KIF1A: variants seen among roughly 807,000 people sequenced by gnomAD.
KIF1A encodes kinesin-like protein KIF1A.
Under a neutral mutation model 227.3 loss-of-function variants are expected in KIF1A, and 46 were observed. The ratio of observed to expected loss-of-function variants is 0.20; its 90% CI spans 0.16 to 0.26. The LOEUF (loss-of-function observed/expected upper bound fraction) is 0.26, where lower values mean the gene tolerates loss of function less well. KIF1A is among the 10% of genes least tolerant of loss of function. The pLI is 1.00. For synonymous variants in KIF1A, 1,022 were observed against 1,012.8 expected (o/e 1.01, Z -0.17); for missense variants, 1,683 against 2,485.9 (o/e 0.68, Z 6.87).
At position 240,745,833 on chromosome 2, in the gene KIF1A, G is replaced by T. The variant is rs779387346; in HGVS notation, c.3279C>A (p.Asp1093Glu). The change falls in exon 31 of 49, where the codon GAC (aspartate) becomes GAA (glutamate). Residue 1093 changes from aspartate (D) to glutamate (E), a missense_variant. This residue lies in a region of KIF1A where 759 missense variants were observed against 1,020.2 expected (regional missense o/e 0.74). Coordinates refer to ENST00000498729, the MANE Select transcript of KIF1A (RefSeq NM_001244008.2). ...ALDGPLDAALDHLRLGNTFTF... is the reference protein window; with the variant it reads ...ALDGPLDAALEHLRLGNTFTF... The stretch of plus-strand genomic sequence containing the variant: ...TGAAGGTGTTGCCCAGGCGGAGGTG[G>T]TCCAGGGCAGCATCCAGGGGCCCAT... 2.5e-6 allele frequency: 4 copies of T among 1,612,730 alleles called. No individual in the cohort carries two copies. The South Asian group carries it at 4.4e-5, about 18-fold the overall frequency.
chr2:240,730,247 C>G (rs2046450685), intron 38 of KIF1A, among the ~76,000 whole-genome samples: 2 of 152,230 alleles, frequency 1.3e-5, no homozygotes, highest in South Asian at 4.1e-4. Context: ...ATGGGACCCA[C>G]ATTGCCAGTT....
intron 1 of KIF1A, among the ~76,000 whole-genome samples, chr2:240,816,949 C>A (rs981295445): frequency 5.6e-4 from 85 of 152,214 alleles, no homozygotes; most frequent in African/African-American, 2.0e-3. Context: ...TCTTGAGGCC[C>A]TGGGGGTGGG....
rs1392051574 is a variant in KIF1A at position 240,761,704 on chromosome 2, G to T, written c.2117-327C>A. On this transcript the variant is annotated intron_variant, in intron 23 of 48. Transcript: ENST00000498729. ...TTGGGTACACAGAAAGAAGAAACCG[G>T]CAGAGAGCTCTGTCACAGTGAGCAA... is the stretch of plus-strand genomic sequence containing the variant. 5.9e-5 allele frequency among the ~76,000 whole-genome samples: 9 copies of T among 152,302 alleles called. No individual in the cohort carries two copies. The South Asian group carries it at 1.2e-3, about 21-fold the overall frequency.
rs543183753 is a variant in KIF1A at position 240,769,549 on chromosome 2, C to T, written c.1421+78G>A. 45 of 1,216,746 alleles carry T rather than the reference C, an allele frequency of 3.7e-5. 1 individual carries two copies. The South Asian group carries it at 5.9e-4, about 16-fold the overall frequency. 75.4% of individuals were successfully genotyped at this position (1,216,746 alleles called of 1,614,324 possible). A position where few individuals can be genotyped will look rare whatever the true frequency, so the allele number is the denominator to read the frequency against. ...AGGTGCCCAGCACTGGAGGGCAGGGCTCAGTGCTCATCCTGCCCAGGCTCC... is the reference window on the plus strand; with the variant it reads ...AGGTGCCCAGCACTGGAGGGCAGGGTTCAGTGCTCATCCTGCCCAGGCTCC... On this transcript the variant is annotated intron_variant, in intron 16 of 48. Transcript: ENST00000498729.
At chr2:240,720,648 G>A (rs1575516326) in intron 45 of KIF1A, 2 of 323,976 alleles carry the variant, frequency 6.2e-6, no homozygotes, top group East Asian at 1.0e-4. Flanking sequence ...CTCAGGAAAG[G>A]GGAGCTTTAG....
rs1314493193 is a variant in KIF1A at position 240,714,967 on chromosome 2, G to A, written c.*2397C>T. On this transcript the variant is annotated 3_prime_UTR_variant, in exon 49 of 49. Transcript: ENST00000498729. ...CCTCCACTCAGCCCACCCACGCCGC[G>A]AGTGCTCTGCAGGTTGGCTGGCCTC... is the stretch of plus-strand genomic sequence containing the variant. 3 of 152,280 alleles carry A rather than the reference G, an allele frequency of 2.0e-5. No individual in the cohort carries two copies. Among genetic ancestry groups the A allele is most frequent in the Admixed American group, 6.5e-5 (1 of 15,290 alleles). The allele number at this position is 152,280 out of a possible 1,614,324, so 9.4% of individuals were successfully genotyped here.
At chr2:240,734,890 C>T in intron 38 of KIF1A, 1 of 560,978 alleles carries the variant, frequency 1.8e-6, no homozygotes, top group Non-Finnish European at 3.1e-6. Flanking sequence ...TGGGAGCGGG[C>T]AGGAGGCAAG....
intron 20 of KIF1A, among the ~76,000 whole-genome samples, chr2:240,764,472 G>T (rs967485106): frequency 3.3e-5 from 5 of 152,064 alleles, no homozygotes; most frequent in African/African-American, 1.2e-4. Flanking sequence ...AGTGTGTCCT[G>T]CCCTCCTGCC....
At chr2:240,782,029 T>C (rs1248466145) in intron 10 of KIF1A, 1 of 985,332 alleles carries the variant, frequency 1.0e-6, no homozygotes. Context: ...GTCTCACGCA[T>C]TCCCACGCTG....
At chr2:240,724,569 G>C (rs1245433362) in intron 40 of KIF1A, 15 of 174,776 alleles carry the variant, frequency 8.6e-5, no homozygotes. Context: ...GCTGTGCCCA[G>C]TGTGAACCTG....
rs911647181 is a variant in KIF1A at position 240,760,940 on chromosome 2, G to C, written c.2266-97C>G. 3 of 1,223,790 alleles carry C rather than the reference G, an allele frequency of 2.5e-6. No individual in the cohort carries two copies. The African/African-American group carries it at 4.6e-5, about 19-fold the overall frequency. 75.8% of individuals were successfully genotyped at this position (1,223,790 alleles called of 1,614,324 possible). A position where few individuals can be genotyped will look rare whatever the true frequency, so the allele number is the denominator to read the frequency against. On this transcript the variant is annotated intron_variant, in intron 24 of 48. Transcript: ENST00000498729. The stretch of plus-strand genomic sequence containing the variant: ...TTCCCACCTTCTGGAGATTTCAGCT[G>C]CCTGCCCCACAATGGTTCACTGGAA...
chr2:240,798,020 C>T (rs2056591035), intron 1 of KIF1A: 2 of 377,048 alleles, frequency 5.3e-6, no homozygotes, highest in South Asian at 5.5e-5. Context: ...CCCAGCTTCG[C>T]AAGCCTGAGG....
chr2:240,758,503 G>A lies in KIF1A; in HGVS notation c.2445-6C>T. On this transcript the variant is annotated splice_region_variant and splice_polypyrimidine_tract_variant and intron_variant, in intron 25 of 48. Coordinates refer to ENST00000498729, the MANE Select transcript of KIF1A (RefSeq NM_001244008.2). The surrounding 1 kb of genome is among the most constrained non-coding windows in gnomAD (Gnocchi z 5.2). ...GCATCAGGTCCAGACGCTGCCTGCA[G>A]GGACGGCAGGGGTCAATGTGGACCC... 6.4e-7 allele frequency: 1 copy of A among 1,565,678 alleles called. No homozygotes were observed. The highest frequency in any genetic ancestry group is 1.2e-5 in the South Asian group (1 of 83,342).
intron 44 of KIF1A, 116 bp downstream of exon 44, chr2:240,721,691 T>C (rs2045407739): frequency 1.2e-6 from 1 of 849,474 alleles, no homozygotes; most frequent in Non-Finnish European, 1.9e-6. Flanking sequence ...TGAGACGTGT[T>C]CCTAGGAAAC....
At chr2:240,816,688 C>G (rs949662253) in intron 1 of KIF1A, among the ~76,000 whole-genome samples, 2 of 152,232 alleles carry the variant, frequency 1.3e-5, no homozygotes, top group Non-Finnish European at 2.9e-5. Flanking sequence ...AGAGAGGCAG[C>G]AGCCCCTCCT....
chr2:240,735,478 G>A (rs1408716555), intron 38 of KIF1A, among the ~76,000 whole-genome samples: 1 of 152,196 alleles, frequency 6.6e-6, no homozygotes, highest in Non-Finnish European at 1.5e-5. Context: ...TAGCAGGTGG[G>A]GTTGGGGGGC....
chr2:240,806,015 G>A (rs1288694762), intron 1 of KIF1A, among the ~76,000 whole-genome samples: 1 of 152,170 alleles, frequency 6.6e-6, no homozygotes, highest in Non-Finnish European at 1.5e-5. Flanking sequence ...ACAATAACTA[G>A]CAAAGAAGAC....
intron 1 of KIF1A, among the ~76,000 whole-genome samples, chr2:240,803,450 C>T (rs1031405132): frequency 6.6e-6 from 1 of 152,256 alleles, no homozygotes; most frequent in Middle Eastern, 3.2e-3. Context: ...CTAGATCAGT[C>T]TCCACGCAGG....
chr2:240,799,930 G>A (rs776730690), intron 1 of KIF1A, among the ~76,000 whole-genome samples: 4 of 152,096 alleles, frequency 2.6e-5, no homozygotes, highest in South Asian at 2.1e-4. Context: ...GTGCAATTCC[G>A]ATAAGCAAAA....
Sources: gnomAD v4.1 joint callset for allele counts (sites outside exome capture counted in the v4.1 genomes callset) on GRCh38, gnomAD v4.1.1 for gene constraint, gnomAD v4.1.1 regional missense constraint, Gnocchi (gnomAD v3.1) non-coding constraint, MANE v1.5 for transcripts, NCBI Gene and HGNC (gene_info 2026-07-23, HGNC 2026-07-21) for gene names.